TMIGD3: variants seen among roughly 807,000 people sequenced by gnomAD.
The protein encoded by TMIGD3 is AD026 protein (AD026).
A neutral mutation model predicts 28.1 loss-of-function variants in TMIGD3; 21 were observed. That is an observed-to-expected ratio of 0.75 (90% CI 0.53 to 1.08). TMIGD3 has a LOEUF of 1.08. Ranked by LOEUF, TMIGD3 falls within the 50% of genes least tolerant of loss-of-function variation. TMIGD3 has a pLI of 0.00. For missense variants in TMIGD3, 416 were observed against 435.6 expected (o/e 0.96, Z 0.40); for synonymous variants, 151 against 162.1 (o/e 0.93, Z 0.52).
chr1:111,510,615 T>G (rs571699960), intron 1 of TMIGD3, among the ~76,000 whole-genome samples: 65 of 152,332 alleles, frequency 4.3e-4, no homozygotes, highest in African/African-American at 1.4e-3. Flanking sequence ...AGGATGCCTT[T>G]GTGCCCCATA....
At chr1:111,506,901 T>C (rs867418318), upstream of TMIGD3, among the ~76,000 whole-genome samples, 2 of 97,866 alleles carry the variant, frequency 2.0e-5, no homozygotes, top group South Asian at 3.2e-4. Context: ...ACAAAAAATA[T>C]ATATATATAT....
At chr1:111,540,262 A>T (rs993516446) in intron 1 of TMIGD3, among the ~76,000 whole-genome samples, 1 of 152,180 alleles carries the variant, frequency 6.6e-6, no homozygotes, top group African/African-American at 2.4e-5. Context: ...AGCACCCAGA[A>T]TGTTTTGACA....
chr1:111,486,898 G>C (rs1654403857), intron 3 of TMIGD3, among the ~76,000 whole-genome samples: 2 of 152,164 alleles, frequency 1.3e-5, no homozygotes, highest in South Asian at 4.1e-4. Context: ...CCCTACCACT[G>C]GACTCCATGC....
intron 1 of TMIGD3, among the ~76,000 whole-genome samples, chr1:111,534,580 G>T (rs139889086): frequency 1.3e-5 from 2 of 152,294 alleles, no homozygotes; most frequent in East Asian, 3.9e-4. Context: ...TTTCTAGCAG[G>T]CCCTTTGAAA....
At chr1:111,519,394 C>T (rs916379809) in intron 1 of TMIGD3, among the ~76,000 whole-genome samples, 6 of 152,110 alleles carry the variant, frequency 3.9e-5, no homozygotes, top group African/African-American at 1.4e-4. Context: ...TTATCTTCAG[C>T]CATTGTTTAA....
chr1:111,500,265 G>A (rs772809331), intron 1 of TMIGD3: 1 of 1,614,202 alleles, frequency 6.2e-7, no homozygotes, highest in South Asian at 1.1e-5. Context: ...TCTCTTTGGA[G>A]TTAGATAAGT....
chr1:111,540,630 T>C (rs974483959), intron 1 of TMIGD3, among the ~76,000 whole-genome samples: 1 of 152,208 alleles, frequency 6.6e-6, no homozygotes, highest in African/African-American at 2.4e-5. Flanking sequence ...CTGCCAGTCA[T>C]GCAAACTTCA....
intron 1 of TMIGD3, among the ~76,000 whole-genome samples, chr1:111,561,933 A>G (rs1328922319): frequency 1.3e-5 from 2 of 151,782 alleles, no homozygotes; most frequent in African/African-American, 2.4e-5. Flanking sequence ...GCCTCTCCCT[A>G]CTGCATTTAC....
At position 111,503,020 on chromosome 1, in the gene TMIGD3, A is replaced by G; in HGVS notation, c.335T>C (p.Val112Ala). The G allele has an allele frequency of 6.2e-7, 1 of 1,613,992 alleles. No individual in the cohort carries two copies. The highest frequency in any genetic ancestry group is 1.1e-5 in the South Asian group (1 of 91,074). The change falls in exon 1 of 6, where the codon GTC (valine) becomes GCC (alanine). Residue 112 changes from valine (V) to alanine (A), a missense_variant. Coordinates refer to ENST00000369716, the MANE Select transcript of TMIGD3 (RefSeq NM_020683.7). The part of the protein sequence containing the change: ...LAIAVDRYLR[V>A]KLTVRFRIPG... ...CGCAGGCTACCTGACGGTAAGCTTGACCCGCAAGTATCGGTCCACAGCGAT... is the reference window on the plus strand; with the variant it reads ...CGCAGGCTACCTGACGGTAAGCTTGGCCCGCAAGTATCGGTCCACAGCGAT...
chr1:111,523,893 A>C (rs145970685), intron 1 of TMIGD3, among the ~76,000 whole-genome samples: 1,661 of 151,656 alleles, frequency 0.011, 30 homozygotes, highest in African/African-American at 0.035. Flanking sequence ...TTTTCAAAGA[A>C]TCTGCTTTTG....
chr1:111,488,861 A>T lies in TMIGD3; in HGVS notation c.621T>A (p.Asn207Lys). Residue 207 changes from asparagine to lysine, a missense_variant, in exon 3 of 6, where the codon AAT (asparagine) becomes AAA (lysine). Transcript: ENST00000369716. ...NIIAFSPNST[N>K]HVALRDTGNQ... The stretch of plus-strand genomic sequence containing the variant: ...TCCCTGTGTCCCTCAGGGCCACATG[A>T]TTGGTGCTGTTAGGGGAGAAGGCGA... 2 of 1,614,176 alleles carry T rather than the reference A, an allele frequency of 1.2e-6. No individual in the cohort carries two copies. The highest frequency in any genetic ancestry group is 1.7e-6 in the Non-Finnish European group (2 of 1,180,034).
upstream of TMIGD3, among the ~76,000 whole-genome samples, chr1:111,506,739 G>A (rs892232421): frequency 3.9e-5 from 6 of 152,002 alleles, no homozygotes; most frequent in African/African-American, 9.7e-5. Flanking sequence ...GTATAATGTA[G>A]ATTTGGCAAC....
At chr1:111,561,170 C>T (rs1407004026) in intron 1 of TMIGD3, among the ~76,000 whole-genome samples, 3 of 152,254 alleles carry the variant, frequency 2.0e-5, no homozygotes, top group Non-Finnish European at 4.4e-5. Flanking sequence ...GTCACCCAGG[C>T]TGGAGTGCAG....
intron 1 of TMIGD3, among the ~76,000 whole-genome samples, chr1:111,544,282 A>G (rs140197432): frequency 6.6e-5 from 10 of 152,238 alleles, no homozygotes; most frequent in African/African-American, 1.9e-4. Context: ...AAGGTGCACA[A>G]CTCAGTAATT....
Position 111,485,723 on chromosome 1 carries a change from C to CAAAAAAAAAAA in TMIGD3, c.973+16_973+17insTTTTTTTTTTT. On this transcript the variant is annotated intron_variant, in intron 5 of 5. Transcript: ENST00000369716. The stretch of plus-strand genomic sequence containing the variant: ...TCTAATTCTTGCCCACCCCCTCCCT[C>CAAAAAAAAAAA]AACAATAGCTACTTACCCCTTCTAT... 2.3e-6 allele frequency: 3 copies of CAAAAAAAAAAA among 1,324,630 alleles called. No individual in the cohort carries two copies. The highest frequency in any genetic ancestry group is 3.2e-6 in the Non-Finnish European group (3 of 933,678). 82.1% of individuals were successfully genotyped at this position (1,324,630 alleles called of 1,614,324 possible).
upstream of TMIGD3, among the ~76,000 whole-genome samples, chr1:111,508,556 G>C (rs1391151612): frequency 6.6e-6 from 1 of 152,212 alleles, no homozygotes; most frequent in Non-Finnish European, 1.5e-5. Flanking sequence ...TCGAGAATAG[G>C]TAGCCAACTG....
At chr1:111,552,325 C>A (rs2789533) in intron 1 of TMIGD3, among the ~76,000 whole-genome samples, 68 of 152,270 alleles carry the variant, frequency 4.5e-4, no homozygotes, top group Non-Finnish European at 8.8e-4. Context: ...AGCTGGGGAG[C>A]TAGAGATGGA....
chr1:111,510,807 A>T (rs543571669), intron 1 of TMIGD3, among the ~76,000 whole-genome samples: 44 of 152,250 alleles, frequency 2.9e-4, no homozygotes, highest in African/African-American at 8.7e-4. Context: ...TCATGCAGGG[A>T]TACCTGTCAC....
Position 111,499,600 on chromosome 1 carries a change from T to C in TMIGD3, c.350+3405A>G, listed in dbSNP as rs75048140. ...TGGAAATGAGTCACCACCACACACA[T>C]GTTCAGCCCAACTGGAGCCTTTTGT... is the stretch of plus-strand genomic sequence containing the variant. On this transcript the variant is annotated intron_variant, in intron 1 of 5. Transcript: ENST00000369716. 1,450 of 1,081,158 alleles carry C rather than the reference T, an allele frequency of 1.3e-3. 16 individuals carry two copies. In the African/African-American group the frequency reaches 0.023, roughly 17 times the overall value. 67.0% of individuals were successfully genotyped at this position (1,081,158 alleles called of 1,614,324 possible). A position where few individuals can be genotyped will look rare whatever the true frequency, so the allele number is the denominator to read the frequency against.
Sources: gnomAD v4.1 joint callset for allele counts (sites outside exome capture counted in the v4.1 genomes callset) on GRCh38, gnomAD v4.1.1 for gene constraint, MANE v1.5 for transcripts, NCBI Gene and HGNC (gene_info 2026-07-23, HGNC 2026-07-21) for gene names.